Variants in C2orf81 observed in about 807,000 individuals in gnomAD.
The protein encoded by C2orf81 is chromosome 2 open reading frame 81.
C2orf81 carries 5 observed loss-of-function variants against 7.9 expected under a neutral mutation model. The ratio of observed to expected loss-of-function variants is 0.63; its 90% CI spans 0.33 to 1.33. The LOEUF (loss-of-function observed/expected upper bound fraction) is 1.33, where lower values mean the gene tolerates loss of function less well. Ranked by LOEUF, C2orf81 falls within the 40% of genes most tolerant of loss-of-function variation. The pLI is 0.05. For missense variants in C2orf81, 781 were observed against 830.4 expected (o/e 0.94, Z 0.73); for synonymous variants, 346 against 367.4 (o/e 0.94, Z 0.66).
chr2:74,418,393 T>C (rs1210795565), intron 1 of C2orf81: 4 of 1,591,512 alleles, frequency 2.5e-6, no homozygotes, highest in Non-Finnish European at 3.4e-6. Flanking sequence ...GCCGTCCTTT[T>C]TCTGCTTGGA....
intron 1 of C2orf81, among the ~76,000 whole-genome samples, chr2:74,419,306 T>C (rs1235134944): frequency 6.6e-6 from 1 of 151,938 alleles, no homozygotes; most frequent in Non-Finnish European, 1.5e-5. Flanking sequence ...AGCCCAGGAG[T>C]TCAAGTCCAG....
In C2orf81 at chr2:74,415,746, GC is replaced by G; in HGVS notation, c.430del (p.Ala144ArgfsTer53). On this transcript the variant is annotated frameshift_variant, in exon 3 of 3. Transcript: ENST00000684111. LOFTEE classifies it low-confidence loss of function (END_TRUNC). The surrounding 1 kb of genome is among the most constrained non-coding windows in gnomAD (Gnocchi z 5.5). Reference sequence around the variant, plus strand: ...GTTCTCCAGGCCCTCCGAGGTGGACGCGTGCAGCACGGGCACTGAACCCTGA... The same window carrying G: ...GTTCTCCAGGCCCTCCGAGGTGGACGGTGCAGCACGGGCACTGAACCCTGA... ...WAQGSVPVLHASTSEGLENFQ... is the reference protein window; with the variant it reads ...WAQGSVPVLHXSTSEGLENFQ... 1 of 1,551,590 alleles carries G rather than the reference GC, an allele frequency of 6.4e-7. No homozygotes were observed.
rs1042578942 is a variant in C2orf81, at chr2:74,414,194, C to G, written c.*135G>C. ...CATCAGACTAGTTCCTAAGGCAACT[C>G]AGGTGTTTATTTCTGGCTAGCAGAG... On this transcript the variant is annotated 3_prime_UTR_variant, in exon 3 of 3. Transcript: ENST00000684111. This position sits in a 1 kb window ranked among gnomAD's most constrained non-coding sequence, Gnocchi z 5.3. 6.9e-6 allele frequency: 6 copies of G among 866,682 alleles called. No individual in the cohort carries two copies. The highest frequency in any genetic ancestry group is 6.8e-5 in the Admixed American group (2 of 29,338). The allele number at this position is 866,682 out of a possible 1,614,324, so 53.7% of individuals were successfully genotyped here.
rs1364533862 is a variant in C2orf81, at chr2:74,415,635, G to C, written c.542C>G (p.Pro181Arg). ...CCCAGGGTCCTGGGGAAATGCACTC[G>C]GGCAGTGAGATGTCGGAAAGGGGAG... is the stretch of plus-strand genomic sequence containing the variant. ...PALPFPTSHC[P>R]SAFPQDPGGV... Residue 181 changes from proline to arginine, a missense_variant, in exon 3 of 3, where the codon CCG becomes CGG. By Grantham distance (103) the Pro-to-Arg change is moderately radical. Coordinates refer to ENST00000684111, the MANE Select transcript of C2orf81 (RefSeq NM_001316764.3). This position sits in a 1 kb window ranked among gnomAD's most constrained non-coding sequence, Gnocchi z 5.5. 9.7e-6 allele frequency: 15 copies of C among 1,550,976 alleles called. No individual in the cohort carries two copies. The highest frequency in any genetic ancestry group is 1.4e-5 in the African/African-American group (1 of 73,068).
In C2orf81 at chr2:74,415,840, CAG is replaced by C; in HGVS notation, c.335_336del (p.Ser112CysfsTer4). ...CCCCATGTGGGGTCCTCAGCTACTG[CAG>C]ATTCTCCCTCGTCCCGGGCCAGGAA... ...WRFLARDEGE[S>X]AVAEDPTWGE... On this transcript the variant is annotated frameshift_variant, in exon 3 of 3. Coordinates refer to ENST00000684111, the MANE Select transcript of C2orf81 (RefSeq NM_001316764.3). LOFTEE classifies it low-confidence loss of function (END_TRUNC). This position sits in a 1 kb window ranked among gnomAD's most constrained non-coding sequence, Gnocchi z 5.5. 1 of 1,551,638 alleles carries C rather than the reference CAG, an allele frequency of 6.4e-7. No homozygotes were observed. Among genetic ancestry groups the C allele is most frequent in the Non-Finnish European group, 8.7e-7 (1 of 1,146,998 alleles).
Position 74,414,704 on chromosome 2 carries a change from G to GCGGCTT in C2orf81, c.1472_1473insAAGCCG (p.Arg493_Ser494dup). On this transcript the variant is annotated inframe_insertion, in exon 3 of 3. Coordinates refer to ENST00000684111, the MANE Select transcript of C2orf81 (RefSeq NM_001316764.3). The surrounding 1 kb of genome is among the most constrained non-coding windows in gnomAD (Gnocchi z 5.3). The stretch of plus-strand genomic sequence containing the variant: ...TGGGCCACAGCTTGGGGCTGCGGCT[G>GCGGCTT]CGGGCCACATCAGGGAGCACCGGGT... The GCGGCTT allele has an allele frequency of 6.5e-7, 1 of 1,544,196 alleles. No individual in the cohort carries two copies.
Position 74,415,956 on chromosome 2 carries a change from G to C in C2orf81, c.250-29C>G. On this transcript the variant is annotated intron_variant, in intron 2 of 2. Transcript: ENST00000684111. The surrounding 1 kb of genome is among the most constrained non-coding windows in gnomAD (Gnocchi z 5.5). ...CGGAGGCGAGAGAGGATCTCAGGTC[G>C]GCAGGGAGGGGCGGGAGAGGGAGAC... is the stretch of plus-strand genomic sequence containing the variant. 6.5e-7 allele frequency: 1 copy of C among 1,546,876 alleles called. No homozygotes were observed. Among genetic ancestry groups the C allele is most frequent in the Non-Finnish European group, 8.7e-7 (1 of 1,143,546 alleles).
chr2:74,418,514 C>T, intron 1 of C2orf81: 2 of 963,860 alleles, frequency 2.1e-6, no homozygotes, highest in Non-Finnish European at 3.3e-6. Context: ...GCCTGCGGTG[C>T]ATGCTCCGGT....
intron 1 of C2orf81, among the ~76,000 whole-genome samples, chr2:74,420,018 C>T (rs1047561716): frequency 3.9e-5 from 6 of 152,164 alleles, no homozygotes; most frequent in Non-Finnish European, 5.9e-5. Context: ...GTGATCTGCC[C>T]ACCTTGCAGG....
Position 74,414,506 on chromosome 2 carries a change from C to T in C2orf81, c.1671G>A (p.Met557Ile), listed in dbSNP as rs1676382036. 5 of 1,548,748 alleles carry T rather than the reference C, an allele frequency of 3.2e-6. No homozygotes were observed. The highest frequency in any genetic ancestry group is 4.4e-6 in the Non-Finnish European group (5 of 1,145,214). Residue 557 changes from methionine (M) to isoleucine (I), a missense_variant, in exon 3 of 3, where the codon ATG becomes ATA. Physicochemically the swap from Met to Ile is conservative, Grantham distance 10. Coordinates refer to ENST00000684111, the MANE Select transcript of C2orf81 (RefSeq NM_001316764.3). This position sits in a 1 kb window ranked among gnomAD's most constrained non-coding sequence, Gnocchi z 5.3. Reference protein sequence around the residue: ...PPVLEATSQVMWKPVLLPEAL... With the variant: ...PPVLEATSQVIWKPVLLPEAL... ...CTTCTGGCAGCAACACGGGCTTCCA[C>T]ATCACCTGGGAAGTGGCTTCAAGGA...
In C2orf81 at chr2:74,414,660, C is replaced by A; in HGVS notation, c.1517G>T (p.Gly506Val). 2 of 1,549,074 alleles carry A rather than the reference C, an allele frequency of 1.3e-6. No homozygotes were observed. Among genetic ancestry groups the A allele is most frequent in the Non-Finnish European group, 1.7e-6 (2 of 1,145,350 alleles). Residue 506 changes from glycine to valine, a missense_variant, in exon 3 of 3, where the codon GGT becomes GTT. Coordinates refer to ENST00000684111, the MANE Select transcript of C2orf81 (RefSeq NM_001316764.3). The surrounding 1 kb of genome is among the most constrained non-coding windows in gnomAD (Gnocchi z 5.3). Reference sequence around the variant, plus strand: ...CAGCAGCTCGGCCTTCCCCTCCCAACCGCTGGGCCACCTGACACTGGGCCA... The same window carrying A: ...CAGCAGCTCGGCCTTCCCCTCCCAAACGCTGGGCCACCTGACACTGGGCCA... Reference protein sequence around the residue: ...KLWPSVRWPSGWEGKAELLGE... With the variant: ...KLWPSVRWPSVWEGKAELLGE...
At chr2:74,420,844 G>A (rs1246713068) in intron 1 of C2orf81, among the ~76,000 whole-genome samples, 3 of 130,626 alleles carry the variant, frequency 2.3e-5, no homozygotes, top group African/African-American at 8.7e-5. Flanking sequence ...GCAGTGGCGC[G>A]ATCTCGGCTC....
chr2:74,415,855 C>T lies in C2orf81; in HGVS notation c.322G>A (p.Asp108Asn). ...QITEWRFLAR[D>N]EGESAVAEDP... Reference sequence around the variant, plus strand: ...TCAGCTACTGCAGATTCTCCCTCGTCCCGGGCCAGGAAGCGCCACTCGGTG... The same window carrying T: ...TCAGCTACTGCAGATTCTCCCTCGTTCCGGGCCAGGAAGCGCCACTCGGTG... Residue 108 changes from aspartate (D) to asparagine (N), a missense_variant, in exon 3 of 3, where the codon GAC becomes AAC. Physicochemically the swap from Asp to Asn is conservative, Grantham distance 23. Transcript: ENST00000684111. The surrounding 1 kb of genome is among the most constrained non-coding windows in gnomAD (Gnocchi z 5.5). 1 of 1,551,548 alleles carries T rather than the reference C, an allele frequency of 6.4e-7. No individual in the cohort carries two copies.
chr2:74,420,828 T>G (rs1225762805), intron 1 of C2orf81, among the ~76,000 whole-genome samples: 1 of 130,826 alleles, frequency 7.6e-6, no homozygotes, highest in African/African-American at 2.9e-5. Flanking sequence ...TCACCCAGGC[T>G]AGAGCGCAGT....
rs1384652880 is a variant in C2orf81 at position 74,415,028 on chromosome 2, G to T, written c.1149C>A (p.Cys383Ter). 6.5e-7 allele frequency: 1 copy of T among 1,548,660 alleles called. No individual in the cohort carries two copies. The highest frequency in any genetic ancestry group is 1.4e-5 in the African/African-American group (1 of 73,002). The stretch of plus-strand genomic sequence containing the variant: ...CCTCAGCCAGAGGGCGCACCCAGTG[G>T]CACGGGAGCCTCGCAGGGTCCAGGC... ...VKRLDPARLP[C>*]HWVRPLAEVL... Residue 383 changes from cysteine (C) to a stop codon, truncating the protein, a stop_gained, in exon 3 of 3, where the codon TGC becomes TGA. Coordinates refer to ENST00000684111, the MANE Select transcript of C2orf81 (RefSeq NM_001316764.3). LOFTEE classifies it low-confidence loss of function (END_TRUNC). The surrounding 1 kb of genome is among the most constrained non-coding windows in gnomAD (Gnocchi z 5.5).
Position 74,415,912 on chromosome 2 carries a change from T to TG in C2orf81, c.264dup (p.Ile89HisfsTer28). On this transcript the variant is annotated frameshift_variant, in exon 3 of 3. Coordinates refer to ENST00000684111, the MANE Select transcript of C2orf81 (RefSeq NM_001316764.3). LOFTEE classifies it low-confidence loss of function (END_TRUNC). The surrounding 1 kb of genome is among the most constrained non-coding windows in gnomAD (Gnocchi z 5.5). ...AGCATGGCCTCCCGGGCCTGGCTGA[T>TG]GGTGAATGGAATGCACTGCGGAGGC... is the stretch of plus-strand genomic sequence containing the variant. The TG allele has an allele frequency of 6.5e-7, 1 of 1,548,488 alleles. No homozygotes were observed.
In C2orf81 at chr2:74,416,010, C is replaced by G. The variant is rs1163733187; in HGVS notation, c.249+1G>C. ...TCTGAAGGACCCGGATCCCGGCCCACCTGCTGAGTCAGGTAGACTTTGAAA... is the reference window on the plus strand; with the variant it reads ...TCTGAAGGACCCGGATCCCGGCCCAGCTGCTGAGTCAGGTAGACTTTGAAA... On this transcript the variant is annotated splice_donor_variant, in intron 2 of 2. Coordinates refer to ENST00000684111, the MANE Select transcript of C2orf81 (RefSeq NM_001316764.3). LOFTEE classifies it high-confidence loss of function. The G allele has an allele frequency of 6.5e-7, 1 of 1,550,004 alleles. No homozygotes were observed. Among genetic ancestry groups the G allele is most frequent in the African/African-American group, 1.4e-5 (1 of 73,066 alleles).
rs1388365478 is a variant in C2orf81 at position 74,416,598 on chromosome 2, AAAAG to A, written c.19-361_19-358del. The A allele has an allele frequency of 5.6e-5, 9 of 160,492 alleles. No individual in the cohort carries two copies. In the East Asian group the frequency reaches 1.7e-3, roughly 30 times the overall value. 9.9% of individuals were successfully genotyped at this position (160,492 alleles called of 1,614,324 possible). On this transcript the variant is annotated intron_variant, in intron 1 of 2. Transcript: ENST00000684111. ...AAAAAAAAAAAAAAAAAGAAAAAGA[AAAAG>A]AAAGAAAAAAGAAACCGAAGTCTGA...
chr2:74,420,103 T>G (rs1443130088), intron 1 of C2orf81, among the ~76,000 whole-genome samples: 1 of 152,218 alleles, frequency 6.6e-6, no homozygotes, highest in Non-Finnish European at 1.5e-5. Context: ...ATGTTTATGA[T>G]GTAACGTTAA....
Sources: gnomAD v4.1 joint callset for allele counts (sites outside exome capture counted in the v4.1 genomes callset) on GRCh38, gnomAD v4.1.1 for gene constraint, Gnocchi (gnomAD v3.1) non-coding constraint, MANE v1.5 for transcripts, NCBI Gene and HGNC (gene_info 2026-07-23, HGNC 2026-07-21) for gene names.